Variants in PPP2R3A observed in about 807,000 individuals in gnomAD.
The protein encoded by PPP2R3A is serine/threonine-protein phosphatase 2A regulatory subunit B'' subunit alpha.
A neutral mutation model predicts 106.9 loss-of-function variants in PPP2R3A; 80 were observed. The ratio of observed to expected loss-of-function variants is 0.75; its 90% CI spans 0.62 to 0.90. PPP2R3A has a LOEUF of 0.90. Ranked by LOEUF, PPP2R3A falls within the 40% of genes least tolerant of loss-of-function variation. The probability of loss-of-function intolerance (pLI) is 0.00; values close to 1 mark genes in which losing one functional copy is unlikely to be tolerated. For synonymous variants in PPP2R3A, 483 were observed against 468.3 expected, an observed-to-expected ratio of 1.03 and a Z score of -0.41; for missense variants, 1,386 against 1,350.4, an observed-to-expected ratio of 1.03 and a Z score of -0.41.
intron 9 of PPP2R3A, among the ~76,000 whole-genome samples, chr3:136,089,853 T>C (rs1321051996): frequency 1.3e-5 from 2 of 151,966 alleles, no homozygotes; most frequent in Non-Finnish European, 2.9e-5. Flanking sequence ...GTATTTTATT[T>C]TGTGTGTGTG....
intron 1 of PPP2R3A, among the ~76,000 whole-genome samples, chr3:135,970,925 G>A (rs1478056730): frequency 2.0e-5 from 3 of 152,112 alleles, no homozygotes; most frequent in Non-Finnish European, 4.4e-5. Context: ...TTGGTGATTA[G>A]GCCACAAGTT....
intron 1 of PPP2R3A, among the ~76,000 whole-genome samples, chr3:135,979,117 G>A (rs1322198849): frequency 2.0e-5 from 3 of 151,756 alleles, no homozygotes; most frequent in African/African-American, 7.3e-5. Flanking sequence ...GGTGGCTCAT[G>A]CCTGTAATCC....
chr3:135,972,318 T>C (rs1325545168), intron 1 of PPP2R3A, among the ~76,000 whole-genome samples: 3 of 152,236 alleles, frequency 2.0e-5, no homozygotes, highest in African/African-American at 7.2e-5. Flanking sequence ...ATTCTTTCTT[T>C]GGCTGAATAA....
At chr3:136,056,167 T>A (rs1370424186) in intron 5 of PPP2R3A, among the ~76,000 whole-genome samples, 1 of 152,154 alleles carries the variant, frequency 6.6e-6, no homozygotes, top group African/African-American at 2.4e-5. Flanking sequence ...GTAGTACTCA[T>A]CAGAACTGTC....
intron 10 of PPP2R3A, among the ~76,000 whole-genome samples, chr3:136,098,433 G>A (rs1392402012): frequency 2.0e-5 from 3 of 152,218 alleles, no homozygotes; most frequent in Admixed American, 2.0e-4. Context: ...CTTGAAAACA[G>A]TCAACAGTTA....
chr3:136,053,580 T>G (rs1182243944), intron 5 of PPP2R3A, among the ~76,000 whole-genome samples: 2 of 152,228 alleles, frequency 1.3e-5, no homozygotes, highest in South Asian at 4.1e-4. Flanking sequence ...ACTCCTTTCC[T>G]GGTTCACAAA....
intron 1 of PPP2R3A, among the ~76,000 whole-genome samples, chr3:135,966,482 G>T (rs1937089039): frequency 6.6e-6 from 1 of 152,104 alleles, no homozygotes; most frequent in Non-Finnish European, 1.5e-5. Flanking sequence ...CGCCTCGGTG[G>T]GTCTCTCCCG....
chr3:136,001,552 G>C lies in PPP2R3A; in HGVS notation c.54G>C (p.Val18=). ...GTACTGTGAACCACTACAGCAGCGT[G>C]GTGATAGACCGGCGTTTTGAACAAG... ...VVSTVNHYSS[V]VIDRRFEQAI... Residue 18 remains valine (V), a synonymous_variant, in exon 2 of 14, where the codon GTG becomes GTC. Transcript: ENST00000264977. The C allele has an allele frequency of 6.2e-7, 1 of 1,614,158 alleles. No homozygotes were observed. Among genetic ancestry groups the C allele is most frequent in the Non-Finnish European group, 8.5e-7 (1 of 1,180,020 alleles).
At chr3:136,052,232 G>A (rs897531220) in intron 5 of PPP2R3A, among the ~76,000 whole-genome samples, 20 of 152,288 alleles carry the variant, frequency 1.3e-4, no homozygotes, top group South Asian at 2.1e-4. Flanking sequence ...TACAAAGTGC[G>A]TCTTTGGGGC....
chr3:136,083,843 A>G (rs756925776), intron 8 of PPP2R3A, among the ~76,000 whole-genome samples: 14 of 152,244 alleles, frequency 9.2e-5, no homozygotes, highest in Non-Finnish European at 1.3e-4. Context: ...CTTGCTATGC[A>G]AAGAGACTTG....
chr3:136,113,661 A>G (rs1228818211), intron 13 of PPP2R3A, among the ~76,000 whole-genome samples: 4 of 152,034 alleles, frequency 2.6e-5, no homozygotes, highest in Non-Finnish European at 4.4e-5. Context: ...ACAGTGTGGT[A>G]GCACTTGCCT....
At chr3:136,035,147 G>A (rs1054683720) in intron 3 of PPP2R3A, among the ~76,000 whole-genome samples, 4 of 152,152 alleles carry the variant, frequency 2.6e-5, no homozygotes, top group African/African-American at 9.7e-5. Flanking sequence ...CAGATAATTG[G>A]TTGGTGAATT....
At chr3:136,116,975 C>A (rs1937788078) in intron 13 of PPP2R3A, among the ~76,000 whole-genome samples, 1 of 152,174 alleles carries the variant, frequency 6.6e-6, no homozygotes, top group Admixed American at 6.5e-5. Context: ...TACAATTGAC[C>A]ACATAATTGG....
At chr3:136,135,881 A>T (rs1017026102) in intron 13 of PPP2R3A, among the ~76,000 whole-genome samples, 5 of 151,458 alleles carry the variant, frequency 3.3e-5, no homozygotes, top group African/African-American at 1.2e-4. Context: ...CCCCATCTCT[A>T]CTAAAAGTTA....
intron 9 of PPP2R3A, among the ~76,000 whole-genome samples, chr3:136,088,731 T>C (rs2107942586): frequency 6.6e-6 from 1 of 152,340 alleles, no homozygotes; most frequent in African/African-American, 2.4e-5. Context: ...TATTCCCTTT[T>C]CTCCACAGCC....
intron 2 of PPP2R3A, among the ~76,000 whole-genome samples, chr3:136,007,863 A>G (rs918557486): frequency 2.0e-5 from 3 of 152,104 alleles, no homozygotes; most frequent in Admixed American, 6.5e-5. Context: ...TTTTAGTACA[A>G]TTGTTTGTTT....
chr3:135,981,221 T>C, intron 1 of PPP2R3A, among the ~76,000 whole-genome samples: 1 of 151,788 alleles, frequency 6.6e-6, no homozygotes, highest in Admixed American at 6.5e-5. Context: ...ATTGAGCATC[T>C]TGTTGGCGGT....
chr3:136,043,356 G>A (rs896197347), intron 4 of PPP2R3A, among the ~76,000 whole-genome samples: 1 of 152,176 alleles, frequency 6.6e-6, no homozygotes, highest in South Asian at 2.1e-4. Context: ...CTACTCAGGA[G>A]GCTGAGGCAG....
intron 3 of PPP2R3A, among the ~76,000 whole-genome samples, chr3:136,031,269 T>C (rs1316120734): frequency 1.3e-5 from 2 of 152,210 alleles, no homozygotes; most frequent in Non-Finnish European, 2.9e-5. Flanking sequence ...ATTAGTGACA[T>C]TGAACATTTT....
Sources: allele counts gnomAD v4.1 joint callset (sites outside exome capture counted in the v4.1 genomes callset), GRCh38; gene constraint gnomAD v4.1.1; transcripts MANE v1.5; gene names NCBI Gene and HGNC (gene_info 2026-07-23, HGNC 2026-07-21).